AGBL1: variants seen among roughly 807,000 people sequenced by gnomAD.
The protein encoded by AGBL1 is cytosolic carboxypeptidase 4.
AGBL1 carries 130 observed loss-of-function variants against 118.9 expected under a neutral mutation model. The observed-to-expected ratio is 1.09, with a 90% CI of 0.95 to 1.26. The LOEUF is 1.26. AGBL1 is among the 50% of genes most tolerant of loss of function. The pLI is 0.00. For synonymous variants in AGBL1, 555 were observed against 478.9 expected (o/e 1.16, Z -2.08); for missense variants, 1,584 against 1,298.1 (o/e 1.22, Z -3.38).
intron 21 of AGBL1, among the ~76,000 whole-genome samples, chr15:86,645,602 A>G (rs1460756025): frequency 1.3e-5 from 2 of 152,186 alleles, no homozygotes; most frequent in Non-Finnish European, 2.9e-5. Flanking sequence ...TGAAGGCCAC[A>G]AGGACACTGT....
At chr15:87,014,874 C>G (rs142908307) in intron 24 of AGBL1, among the ~76,000 whole-genome samples, 1 of 151,910 alleles carries the variant, frequency 6.6e-6, no homozygotes, top group African/African-American at 2.4e-5. Flanking sequence ...TGTTAGGTGT[C>G]GACTTCACTG....
At chr15:86,664,512 C>T (rs1357855574) in intron 21 of AGBL1, among the ~76,000 whole-genome samples, 1 of 152,146 alleles carries the variant, frequency 6.6e-6, no homozygotes, top group East Asian at 1.9e-4. Context: ...CTCATGCTGG[C>T]TCTTTGTAAA....
At chr15:86,810,927 G>C (rs2078780161) in intron 22 of AGBL1, among the ~76,000 whole-genome samples, 2 of 152,152 alleles carry the variant, frequency 1.3e-5, no homozygotes, top group Non-Finnish European at 2.9e-5. Context: ...AGGCCTTATG[G>C]ACACACAGAG....
At chr15:86,232,272 C>T (rs890930059) in intron 6 of AGBL1, among the ~76,000 whole-genome samples, 1 of 152,202 alleles carries the variant, frequency 6.6e-6, no homozygotes, top group African/African-American at 2.4e-5. Flanking sequence ...GACGGTCAGA[C>T]CCAGTAGGTT....
At chr15:86,496,615 T>C (rs1377703906) in intron 18 of AGBL1, among the ~76,000 whole-genome samples, 1 of 152,080 alleles carries the variant, frequency 6.6e-6, no homozygotes, top group Non-Finnish European at 1.5e-5. Context: ...ATATTCATTT[T>C]TGATACCTTC....
intron 18 of AGBL1, among the ~76,000 whole-genome samples, chr15:86,496,060 A>G (rs2082850918): frequency 1.3e-5 from 2 of 151,998 alleles, no homozygotes; most frequent in South Asian, 4.2e-4. Flanking sequence ...CCCTATCCAG[A>G]TCTTATCACA....
intron 21 of AGBL1, among the ~76,000 whole-genome samples, chr15:86,617,675 A>G (rs1164265203): frequency 3.3e-5 from 5 of 151,998 alleles, no homozygotes; most frequent in Admixed American, 2.0e-4. Flanking sequence ...TAAGTATATA[A>G]TATACTAGGT....
At chr15:86,647,617 C>A (rs1313607718) in intron 21 of AGBL1, among the ~76,000 whole-genome samples, 7 of 152,164 alleles carry the variant, frequency 4.6e-5, no homozygotes, top group Admixed American at 4.6e-4. Context: ...AGGAGAATTG[C>A]TTGAACCTAG....
chr15:86,609,178 T>C (rs2084624633), intron 21 of AGBL1, among the ~76,000 whole-genome samples: 1 of 152,110 alleles, frequency 6.6e-6, no homozygotes, highest in African/African-American at 2.4e-5. Flanking sequence ...TGTTACTGCC[T>C]GTATATGGAT....
intron 5 of AGBL1, among the ~76,000 whole-genome samples, chr15:86,220,945 A>T (rs2078271014): frequency 6.6e-6 from 1 of 152,178 alleles, no homozygotes; most frequent in Non-Finnish European, 1.5e-5. Flanking sequence ...CATGCCTGTA[A>T]TCCTAGCACT....
rs550772091 is a variant in AGBL1, at chr15:86,757,628, G to A, written c.3158+83192G>A. ...GGAAAACAGAAAAGAAAATGGATAT[G>A]TTTAAATGACAAATGGTCTTGTCTC... is the stretch of plus-strand genomic sequence containing the variant. On this transcript the variant is annotated intron_variant, in intron 22 of 22. Transcript: ENST00000614907. Among the ~76,000 whole-genome samples, 10 of 152,206 alleles carry A rather than the reference G, an allele frequency of 6.6e-5. No individual in the cohort carries two copies. In the South Asian group the frequency reaches 2.1e-3, roughly 32 times the overall value.
intron 5 of AGBL1, among the ~76,000 whole-genome samples, chr15:86,191,978 G>A (rs950204739): frequency 1.3e-5 from 2 of 151,146 alleles, no homozygotes; most frequent in African/African-American, 2.4e-5. Context: ...GCATGTGCCT[G>A]TAGTACCAGC....
rs544712369 is a variant in AGBL1, at chr15:86,308,002, A to G, written c.2374+12594A>G. The stretch of plus-strand genomic sequence containing the variant: ...GTCTTTTGCTATTCTTTATACTTTT[A>G]AATCACATATTTATATATCTCTGAC... On this transcript the variant is annotated intron_variant, in intron 17 of 22. Transcript: ENST00000614907. Among the ~76,000 whole-genome samples, 5 of 152,264 alleles carry G rather than the reference A, an allele frequency of 3.3e-5. No individual in the cohort carries two copies. The South Asian group carries it at 1.0e-3, about 32-fold the overall frequency.
intron 23 of AGBL1, among the ~76,000 whole-genome samples, chr15:86,967,812 CT>C (rs2081069893): frequency 6.6e-6 from 1 of 152,014 alleles, no homozygotes; most frequent in South Asian, 2.1e-4. Context: ...AATGTGGGCT[CT>C]TTTTTTGTTC....
chr15:86,118,376 T>C (rs1388391111), intron 1 of AGBL1, among the ~76,000 whole-genome samples: 2 of 152,156 alleles, frequency 1.3e-5, no homozygotes, highest in Non-Finnish European at 2.9e-5. Context: ...CCTCTGTTTA[T>C]GCTCACAAAA....
intron 22 of AGBL1, among the ~76,000 whole-genome samples, chr15:86,749,090 T>C (rs570907979): frequency 6.6e-5 from 10 of 152,284 alleles, no homozygotes; most frequent in African/African-American, 2.4e-4. Context: ...AATTTATAAA[T>C]TACCTTGGGC....
At chr15:86,625,364 CGTTTTTTTTTTTTTGTTTTTGTT>C (rs2084868117) in intron 21 of AGBL1, among the ~76,000 whole-genome samples, 3 of 68,260 alleles carry the variant, frequency 4.4e-5, no homozygotes, top group African/African-American at 1.5e-4. Flanking sequence ...AAGAAATTAG[CGTTTTTTTTTTTTTGTTTTTGTT>C]TTTTTTTTTT....
At chr15:86,247,621 T>C in intron 6 of AGBL1, 50 bp from the exon 7 acceptor site, 1 of 1,490,614 alleles carries the variant, frequency 6.7e-7, no homozygotes, top group Non-Finnish European at 9.2e-7. Flanking sequence ...CTCAAAGAGG[T>C]GTGGCTGTGG....
intron 22 of AGBL1, among the ~76,000 whole-genome samples, chr15:86,877,290 G>A (rs1419143030): frequency 6.6e-6 from 1 of 152,184 alleles, no homozygotes; most frequent in Non-Finnish European, 1.5e-5. Flanking sequence ...GATGGAAAGA[G>A]TATGACAGGT....
Sources: allele counts gnomAD v4.1 joint callset (sites outside exome capture counted in the v4.1 genomes callset), GRCh38; gene constraint gnomAD v4.1.1; transcripts MANE v1.5; gene names NCBI Gene and HGNC (gene_info 2026-07-23, HGNC 2026-07-21).